The following IPCEF1 variants were observed in gnomAD, a reference collection of about 807,000 sequenced individuals.
IPCEF1 encodes interactor protein for cytohesin exchange factors 1.
A neutral mutation model predicts 50.9 loss-of-function variants in IPCEF1; 31 were observed. That is an observed-to-expected ratio of 0.61 (90% CI 0.46 to 0.82). IPCEF1 has a LOEUF of 0.82. Among genes scored for constraint, IPCEF1 ranks in the 40% least tolerant of loss-of-function variants. The pLI, the probability that IPCEF1 is intolerant of heterozygous loss-of-function variation, is 0.00. For missense variants in IPCEF1, 458 were observed against 514.0 expected (o/e 0.89, Z 1.05); for synonymous variants, 181 against 192.0 (o/e 0.94, Z 0.47).
At chr6:154,222,916 C>G in intron 6 of IPCEF1, 1 of 514,926 alleles carries the variant, frequency 1.9e-6, no homozygotes, top group Non-Finnish European at 3.5e-6. Context: ...CCATCACAGA[C>G]ACAGTCATCA....
At chr6:154,355,680 G>T (rs576474569) in intron 1 of IPCEF1, among the ~76,000 whole-genome samples, 1 of 151,716 alleles carries the variant, frequency 6.6e-6, no homozygotes, top group East Asian at 1.9e-4. Context: ...GTAGAGACGG[G>T]GTTTCATCAT....
chr6:154,273,367 G>T (rs1172943160), intron 2 of IPCEF1, among the ~76,000 whole-genome samples: 4 of 152,140 alleles, frequency 2.6e-5, no homozygotes, highest in Non-Finnish European at 5.9e-5. Context: ...GGCAGCAAAC[G>T]TCCACACTCT....
intron 1 of IPCEF1, among the ~76,000 whole-genome samples, chr6:154,327,723 T>C (rs755635551): frequency 6.6e-6 from 1 of 152,218 alleles, no homozygotes; most frequent in African/African-American, 2.4e-5. Context: ...TTACTGGGTA[T>C]GTACCCAAAG....
chr6:154,276,299 A>G (rs1284657429), intron 2 of IPCEF1, among the ~76,000 whole-genome samples: 2 of 135,636 alleles, frequency 1.5e-5, no homozygotes, highest in Admixed American at 7.7e-5. Context: ...AAAAGAAAAG[A>G]AAAGAGGAAG....
At chr6:154,202,609 T>G (rs1777161865) in intron 9 of IPCEF1, among the ~76,000 whole-genome samples, 1 of 152,212 alleles carries the variant, frequency 6.6e-6, no homozygotes, top group Admixed American at 6.5e-5. Flanking sequence ...AATTAGATTA[T>G]AGCAAACTGG....
chr6:154,197,456 C>A (rs1005408571), intron 10 of IPCEF1, among the ~76,000 whole-genome samples: 1 of 152,154 alleles, frequency 6.6e-6, no homozygotes, highest in African/African-American at 2.4e-5. Flanking sequence ...CATATGAGAA[C>A]TGCCAACAAA....
At chr6:154,356,525 A>C (rs192502057) in intron 1 of IPCEF1, 147 bp downstream of exon 1, 4 of 152,352 alleles carry the variant, frequency 2.6e-5, no homozygotes, top group Admixed American at 2.0e-4. Flanking sequence ...TTCCCAGATT[A>C]CAGAGAGCTG....
At chr6:154,208,429 A>C (rs1428419168) in intron 9 of IPCEF1, among the ~76,000 whole-genome samples, 1 of 152,094 alleles carries the variant, frequency 6.6e-6, no homozygotes, top group Non-Finnish European at 1.5e-5. Context: ...GCCACAACCC[A>C]ATCTCTACCC....
rs1783683877 is a variant in IPCEF1, at chr6:154,332,029, A to G, written c.-62+24643T>C. ...TCACTCCTGTTCTAAAACTTGCCTC[A>G]GTCTCTCACTCTCACTCTCCCTTAT... On this transcript the variant is annotated intron_variant, in intron 1 of 11. Coordinates refer to ENST00000367220, the MANE Select transcript of IPCEF1 (RefSeq NM_001130700.2). Among the ~76,000 whole-genome samples the G allele has an allele frequency of 1.3e-5, 2 of 152,132 alleles. 1 individual carries two copies. Among genetic ancestry groups the G allele is most frequent in the South Asian group, 4.1e-4 (2 of 4,830 alleles).
intron 1 of IPCEF1, among the ~76,000 whole-genome samples, chr6:154,313,024 C>T (rs1458026219): frequency 7.3e-6 from 1 of 136,848 alleles, no homozygotes; most frequent in Admixed American, 8.1e-5. Flanking sequence ...TTGCAGTGAG[C>T]CGAAATCAAC....
At chr6:154,340,044 C>T (rs763615953) in intron 1 of IPCEF1, among the ~76,000 whole-genome samples, 2 of 151,854 alleles carry the variant, frequency 1.3e-5, no homozygotes, top group Non-Finnish European at 2.9e-5. Flanking sequence ...TGCAGAGTAG[C>T]AGCTGAAGAT....
At chr6:154,312,390 G>A (rs1279151138) in intron 1 of IPCEF1, among the ~76,000 whole-genome samples, 1 of 151,986 alleles carries the variant, frequency 6.6e-6, no homozygotes, top group Non-Finnish European at 1.5e-5. Flanking sequence ...TCTGTCGCCA[G>A]GGCTGGAGTG....
chr6:154,264,959 T>G (rs977952880), intron 3 of IPCEF1, among the ~76,000 whole-genome samples: 2 of 152,194 alleles, frequency 1.3e-5, no homozygotes, highest in Non-Finnish European at 2.9e-5. Context: ...CATTCCAGAT[T>G]TGGCAGGAAG....
intron 9 of IPCEF1, among the ~76,000 whole-genome samples, chr6:154,207,483 C>G (rs963035540): frequency 2.6e-5 from 4 of 152,134 alleles, no homozygotes; most frequent in African/African-American, 9.7e-5. Context: ...GACAACTGTT[C>G]AAGATATGTC....
intron 10 of IPCEF1, among the ~76,000 whole-genome samples, chr6:154,191,409 C>T (rs1801872854): frequency 6.6e-6 from 1 of 152,052 alleles, no homozygotes; most frequent in African/African-American, 2.4e-5. Context: ...CGCGGTGGCT[C>T]ACGTCTGTAA....
At chr6:154,194,545 A>C (rs1398873537) in intron 10 of IPCEF1, among the ~76,000 whole-genome samples, 1 of 152,108 alleles carries the variant, frequency 6.6e-6, no homozygotes, top group Non-Finnish European at 1.5e-5. Context: ...TACTTCTTTC[A>C]AACTGTCATC....
chr6:154,296,722 G>A (rs113264290), intron 1 of IPCEF1, among the ~76,000 whole-genome samples: 32,765 of 151,448 alleles, frequency 0.22, 3,792 homozygotes, highest in Non-Finnish European at 0.25. Context: ...CCAACTACTC[G>A]GGAGGCTGAG....
chr6:154,240,181 C>A (rs1279857286), intron 5 of IPCEF1, among the ~76,000 whole-genome samples: 5 of 152,212 alleles, frequency 3.3e-5, no homozygotes, highest in Admixed American at 1.3e-4. Context: ...TTAATTCATA[C>A]AACTAATTGA....
chr6:154,184,334 T>C (rs866491127), intron 10 of IPCEF1, among the ~76,000 whole-genome samples: 1 of 152,040 alleles, frequency 6.6e-6, no homozygotes, highest in Non-Finnish European at 1.5e-5. Flanking sequence ...TTTTGGAGAA[T>C]AAATAATACT....
Sources: gnomAD v4.1 joint callset for allele counts (sites outside exome capture counted in the v4.1 genomes callset) on GRCh38, gnomAD v4.1.1 for gene constraint, MANE v1.5 for transcripts, NCBI Gene and HGNC (gene_info 2026-07-23, HGNC 2026-07-21) for gene names.